PCDHGA10: variants seen among roughly 807,000 people sequenced by gnomAD.
PCDHGA10 encodes the protein protocadherin gamma subfamily A, 10.
A neutral mutation model predicts 59.5 loss-of-function variants in PCDHGA10; 42 were observed. That is an observed-to-expected ratio of 0.71 (90% CI 0.55 to 0.91). PCDHGA10 has a LOEUF of 0.91. PCDHGA10 is among the 40% of genes least tolerant of loss of function. The pLI is 0.00. For synonymous variants in PCDHGA10, 511 were observed against 517.2 expected (o/e 0.99, Z 0.16); for missense variants, 1,111 against 1,198.2 (o/e 0.93, Z 1.07).
intron 2 of PCDHGA10, among the ~76,000 whole-genome samples, chr5:141,502,865 T>C (rs538731947): frequency 3.0e-5 from 4 of 131,428 alleles, no homozygotes; most frequent in Non-Finnish European, 6.3e-5. Context: ...TGACTCTCTG[T>C]CTTTTTTTTT....
intron 1 of PCDHGA10, among the ~76,000 whole-genome samples, chr5:141,450,335 T>A (rs1054670037): frequency 1.3e-5 from 2 of 152,158 alleles, no homozygotes; most frequent in African/African-American, 4.8e-5. Context: ...CTCTTTAATC[T>A]ACTTTAATCT....
intron 2 of PCDHGA10, among the ~76,000 whole-genome samples, chr5:141,499,102 C>T (rs1172661012): frequency 1.3e-5 from 2 of 152,170 alleles, no homozygotes; most frequent in Admixed American, 6.5e-5. Context: ...TGCTTCTCCT[C>T]CCCACCACTA....
At chr5:141,483,745 T>C (rs1288301129) in intron 1 of PCDHGA10, among the ~76,000 whole-genome samples, 1 of 152,130 alleles carries the variant, frequency 6.6e-6, no homozygotes, top group Non-Finnish European at 1.5e-5. Flanking sequence ...AGGATATTCC[T>C]GAGGATCGAG....
At chr5:141,471,114 T>A (rs1210058743) in intron 1 of PCDHGA10, among the ~76,000 whole-genome samples, 1 of 150,256 alleles carries the variant, frequency 6.7e-6, no homozygotes, top group Non-Finnish European at 1.5e-5. Context: ...AGTGGTGCGA[T>A]CTTACCTTCA....
At chr5:141,436,793 C>T (rs752376420) in intron 1 of PCDHGA10, among the ~76,000 whole-genome samples, 4 of 152,178 alleles carry the variant, frequency 2.6e-5, no homozygotes, top group Non-Finnish European at 5.9e-5. Flanking sequence ...TAAAACTGTT[C>T]TAAAATTTTT....
chr5:141,483,786 C>T (rs2099587125), intron 1 of PCDHGA10, among the ~76,000 whole-genome samples: 1 of 152,136 alleles, frequency 6.6e-6, no homozygotes, highest in African/African-American at 2.4e-5. Context: ...AGGATAAGAA[C>T]TCCAGTTGTT....
At position 141,414,939 on chromosome 5, in the gene PCDHGA10, C is replaced by T. The variant is rs773327918; in HGVS notation, c.1764C>T (p.Pro588=). The T allele has an allele frequency of 2.5e-6, 4 of 1,614,090 alleles. No individual in the cohort carries two copies. The highest frequency in any genetic ancestry group is 1.7e-5 in the Admixed American group (1 of 60,030). The part of the protein sequence containing the change: ...GVELAPRSAE[P]GYLVTKVVAV... ...AGCTGGCGCCCCGCTCCGCAGAGCC[C>T]GGCTACCTGGTGACCAAGGTGGTGG... Residue 588 remains proline (P), a synonymous_variant, in exon 1 of 4, where the codon CCC becomes CCT. Transcript: ENST00000398610.
chr5:141,415,982 T>A lies in PCDHGA10; in HGVS notation c.2436+371T>A, dbSNP rs531852883. The A allele has an allele frequency of 1.9e-4, 66 of 342,492 alleles. 1 individual carries two copies. Among genetic ancestry groups the A allele is most frequent in the African/African-American group, 1.3e-3 (59 of 46,668 alleles). 21.2% of individuals were successfully genotyped at this position (342,492 alleles called of 1,614,324 possible). A position where few individuals can be genotyped will look rare whatever the true frequency, so the allele number is the denominator to read the frequency against. ...AACTCCAGCCCCTTAAGCAACCCTC[T>A]TGTTCTGAAGGCAGGTCTGGTAAGA... On this transcript the variant is annotated intron_variant, in intron 1 of 3. Transcript: ENST00000398610.
Position 141,489,948 on chromosome 5 carries a change from T to G in PCDHGA10, c.2437-4859T>G. The G allele has an allele frequency of 6.2e-7, 1 of 1,614,210 alleles. No homozygotes were observed. Among genetic ancestry groups the G allele is most frequent in the Non-Finnish European group, 8.5e-7 (1 of 1,180,030 alleles). ...TCTCTGTCATCGTGCTGGACATCAA[T>G]GATAATGCTCCAACCTTCCAATCCT... On this transcript the variant is annotated intron_variant, in intron 1 of 3. Transcript: ENST00000398610. The surrounding 1 kb of genome is among the most constrained non-coding windows in gnomAD (Gnocchi z 4.5).
intron 1 of PCDHGA10, among the ~76,000 whole-genome samples, chr5:141,458,526 A>T (rs921943954): frequency 1.7e-4 from 26 of 151,492 alleles, no homozygotes; most frequent in African/African-American, 5.6e-4. Flanking sequence ...TTTTTTTTTA[A>T]CTTATCAACT....
chr5:141,491,208 C>G lies in PCDHGA10; in HGVS notation c.2437-3599C>G. 6.2e-7 allele frequency: 1 copy of G among 1,614,204 alleles called. No individual in the cohort carries two copies. Among genetic ancestry groups the G allele is most frequent in the Non-Finnish European group, 8.5e-7 (1 of 1,180,026 alleles). ...TGAGGGACAATGGTGACCCTTCACTCTCCTCCACAGCCACAGTGCTGCTGG... is the reference window on the plus strand; with the variant it reads ...TGAGGGACAATGGTGACCCTTCACTGTCCTCCACAGCCACAGTGCTGCTGG... On this transcript the variant is annotated intron_variant, in intron 1 of 3. Coordinates refer to ENST00000398610, the MANE Select transcript of PCDHGA10 (RefSeq NM_018913.3). This position sits in a 1 kb window ranked among gnomAD's most constrained non-coding sequence, Gnocchi z 6.9.
intron 1 of PCDHGA10, chr5:141,440,968 T>A (rs1487107428): frequency 6.6e-6 from 1 of 152,198 alleles, no homozygotes; most frequent in African/African-American, 2.4e-5. Flanking sequence ...AGATCACATA[T>A]GGCTTCACAA....
rs183549806 is a variant in PCDHGA10 at position 141,487,760 on chromosome 5, G to A, written c.2437-7047G>A. ...TGTAAGAGGTAACTATGTGGTAGAC[G>A]CTGTGCTTTGTAACTGTTTCGTGAA... On this transcript the variant is annotated intron_variant, in intron 1 of 3. Transcript: ENST00000398610. The surrounding 1 kb of genome is among the most constrained non-coding windows in gnomAD (Gnocchi z 5.0). 42 of 1,545,950 alleles carry A rather than the reference G, an allele frequency of 2.7e-5. No homozygotes were observed. The African/African-American group carries it at 3.8e-4, about 14-fold the overall frequency.
intron 1 of PCDHGA10, chr5:141,419,610 C>G: frequency 1.9e-6 from 3 of 1,612,130 alleles, no homozygotes; most frequent in Middle Eastern, 1.8e-4. Flanking sequence ...GCCGCGCAGC[C>G]AGGCTACCTG....
In PCDHGA10 at chr5:141,477,446, C is replaced by A; in HGVS notation, c.2437-17361C>A. 1 of 1,614,196 alleles carries A rather than the reference C, an allele frequency of 6.2e-7. No homozygotes were observed. The highest frequency in any genetic ancestry group is 8.5e-7 in the Non-Finnish European group (1 of 1,180,022). The stretch of plus-strand genomic sequence containing the variant: ...TTCCCTCTCAGCCCTTACAATAGTG[C>A]GTGTTCAAGTGTCCGACATCAATGA... On this transcript the variant is annotated intron_variant, in intron 1 of 3. Transcript: ENST00000398610. The surrounding 1 kb of genome is among the most constrained non-coding windows in gnomAD (Gnocchi z 4.9).
chr5:141,415,147 C>A lies in PCDHGA10; in HGVS notation c.1972C>A (p.Leu658Ile), dbSNP rs779194230. The A allele has an allele frequency of 9.9e-6, 16 of 1,613,668 alleles. No individual in the cohort carries two copies. Among genetic ancestry groups the A allele is most frequent in the African/African-American group, 1.3e-5 (1 of 74,952 alleles). Residue 658 changes from leucine (L) to isoleucine (I), a missense_variant, in exon 1 of 4, where the codon CTC (leucine) becomes ATC (isoleucine). Transcript: ENST00000398610. Reference protein sequence around the residue: ...VAVQDHGQPPLSATVTLTVAV... With the variant: ...VAVQDHGQPPISATVTLTVAV... ...CGTCCAGGACCACGGCCAGCCCCCT[C>A]TCTCCGCCACTGTCACGCTCACCGT... is the stretch of plus-strand genomic sequence containing the variant.
rs2099427993 is a variant in PCDHGA10, at chr5:141,477,978, T to C, written c.2437-16829T>C. Reference sequence around the variant, plus strand: ...TCCCCTAACCAGAGCCTTTTTGCCATAGGGCTGCACACTGGTCAAATCAGT... The same window carrying C: ...TCCCCTAACCAGAGCCTTTTTGCCACAGGGCTGCACACTGGTCAAATCAGT... On this transcript the variant is annotated intron_variant, in intron 1 of 3. Coordinates refer to ENST00000398610, the MANE Select transcript of PCDHGA10 (RefSeq NM_018913.3). This position sits in a 1 kb window ranked among gnomAD's most constrained non-coding sequence, Gnocchi z 4.9. 6.2e-7 allele frequency: 1 copy of C among 1,614,120 alleles called. No individual in the cohort carries two copies. Among genetic ancestry groups the C allele is most frequent in the Non-Finnish European group, 8.5e-7 (1 of 1,180,022 alleles).
At position 141,415,081 on chromosome 5, in the gene PCDHGA10, C is replaced by T; in HGVS notation, c.1906C>T (p.Leu636=). Residue 636 remains leucine, a synonymous_variant, in exon 1 of 4, where the codon CTG becomes TTG. Transcript: ENST00000398610. ...GGGCGAGGTGCGCACGGCGCGAGCC[C>T]TGCTGGACAGAGACGCGCTCAAGCA... ...HTGEVRTARA[L]LDRDALKQSL... is the part of the protein sequence containing the mutation. 1 of 1,613,522 alleles carries T rather than the reference C, an allele frequency of 6.2e-7. No individual in the cohort carries two copies. The highest frequency in any genetic ancestry group is 8.5e-7 in the Non-Finnish European group (1 of 1,179,960).
In PCDHGA10 at chr5:141,454,796, A is replaced by ATTTTTTTTTTTTTTTTTTT. The variant is rs61612330; in HGVS notation, c.2436+39196_2436+39214dup. Among the ~76,000 whole-genome samples the ATTTTTTTTTTTTTTTTTTT allele has an allele frequency of 2.8e-4, 22 of 77,458 alleles. 2 individuals are homozygous for ATTTTTTTTTTTTTTTTTTT. Among genetic ancestry groups the ATTTTTTTTTTTTTTTTTTT allele is most frequent in the East Asian group, 4.0e-4 (1 of 2,512 alleles). The allele number at this position is 77,458 out of a possible 152,430, so 50.8% of individuals were successfully genotyped here. The stretch of plus-strand genomic sequence containing the variant: ...AAGGAAATAATCCTCCATGGTTCTA[A>ATTTTTTTTTTTTTTTTTTT]TTTTTTTTTTTTTTTTTTTTTTTTT... On this transcript the variant is annotated intron_variant, in intron 1 of 3. Coordinates refer to ENST00000398610, the MANE Select transcript of PCDHGA10 (RefSeq NM_018913.3).
Sources: gnomAD v4.1 joint callset for allele counts (sites outside exome capture counted in the v4.1 genomes callset) on GRCh38, gnomAD v4.1.1 for gene constraint, Gnocchi (gnomAD v3.1) non-coding constraint, MANE v1.5 for transcripts, NCBI Gene and HGNC (gene_info 2026-07-23, HGNC 2026-07-21) for gene names.